The following MMP16 variants were observed in gnomAD, a reference collection of about 807,000 sequenced individuals.
MMP16 encodes the protein matrix metalloproteinase-16.
In MMP16, 12 loss-of-function variants were observed where a neutral mutation model predicts 67.8. The ratio of observed to expected loss-of-function variants is 0.18; its 90% CI spans 0.11 to 0.29. MMP16 has a LOEUF of 0.29. Ranked by LOEUF, MMP16 falls within the 10% of genes least tolerant of loss-of-function variation. The pLI is 1.00. For synonymous variants in MMP16, 249 were observed against 255.9 expected (o/e 0.97, Z 0.26); for missense variants, 475 against 765.7 (o/e 0.62, Z 4.48).
At chr8:88,102,204 CA>C (rs1201174801) in intron 6 of MMP16, among the ~76,000 whole-genome samples, 1 of 151,746 alleles carries the variant, frequency 6.6e-6, no homozygotes, top group Non-Finnish European at 1.5e-5. Flanking sequence ...ACTAAGTCCC[CA>C]AAACTGCCTC....
At chr8:88,216,746 T>C (rs1203240093) in intron 1 of MMP16, among the ~76,000 whole-genome samples, 2 of 152,138 alleles carry the variant, frequency 1.3e-5, no homozygotes, top group Non-Finnish European at 2.9e-5. Context: ...GCTGGATGCA[T>C]CTATCAGATG....
At chr8:88,205,578 T>C (rs1563561786) in intron 1 of MMP16, among the ~76,000 whole-genome samples, 1 of 152,206 alleles carries the variant, frequency 6.6e-6, no homozygotes, top group Admixed American at 6.5e-5. Flanking sequence ...ATATTCTTAT[T>C]TCTATGCTAG....
intron 4 of MMP16, among the ~76,000 whole-genome samples, chr8:88,165,743 A>T (rs1808701452): frequency 6.6e-6 from 1 of 152,102 alleles, no homozygotes; most frequent in East Asian, 1.9e-4. Context: ...ATGCATGCAT[A>T]AAAAGCACTT....
intron 4 of MMP16, among the ~76,000 whole-genome samples, chr8:88,140,890 A>T (rs1808200943): frequency 6.6e-6 from 1 of 152,212 alleles, no homozygotes; most frequent in South Asian, 2.1e-4. Flanking sequence ...AATAGGGAAA[A>T]TTTAAAACTC....
chr8:88,144,629 A>T, intron 4 of MMP16, among the ~76,000 whole-genome samples: 1 of 152,078 alleles, frequency 6.6e-6, no homozygotes, highest in Middle Eastern at 3.4e-3. Flanking sequence ...CATTTTATAT[A>T]TGTAAAAATA....
At chr8:88,213,002 G>C (rs1018397377) in intron 1 of MMP16, among the ~76,000 whole-genome samples, 2 of 152,066 alleles carry the variant, frequency 1.3e-5, no homozygotes, top group Non-Finnish European at 2.9e-5. Context: ...AATTTTAAAG[G>C]ATTTAGTAAA....
Position 88,108,440 on chromosome 8 carries a change from T to C in MMP16, c.1083+8067A>G, listed in dbSNP as rs147864900. Among the ~76,000 whole-genome samples the C allele has an allele frequency of 6.7e-4, 102 of 151,392 alleles. No homozygotes were observed. In the East Asian group the frequency reaches 0.017, roughly 25 times the overall value. ...CTAGGAGGGTAACATAGCCCAGCCA[T>C]AGTAAGGACACTAAGCATTTGTCTA... On this transcript the variant is annotated intron_variant, in intron 6 of 9. Transcript: ENST00000286614.
chr8:88,106,926 G>T (rs1293706975), intron 6 of MMP16, among the ~76,000 whole-genome samples: 1 of 150,900 alleles, frequency 6.6e-6, no homozygotes, highest in Non-Finnish European at 1.5e-5. Flanking sequence ...ATCTATCAAG[G>T]TATTATGAAT....
intron 1 of MMP16, among the ~76,000 whole-genome samples, chr8:88,202,520 G>GAAAT (rs1285863094): frequency 3.9e-5 from 6 of 152,114 alleles, no homozygotes; most frequent in Non-Finnish European, 2.9e-5. Flanking sequence ...TTATGTGCTA[G>GAAAT]TCATCAGGCT....
chr8:88,150,683 G>C (rs1242461451), intron 4 of MMP16, among the ~76,000 whole-genome samples: 2 of 122,676 alleles, frequency 1.6e-5, no homozygotes, highest in African/African-American at 3.2e-5. Flanking sequence ...GTCACCACCA[G>C]GCCTGCCCTA....
At chr8:88,209,752 T>C (rs1330742440) in intron 1 of MMP16, among the ~76,000 whole-genome samples, 1 of 152,200 alleles carries the variant, frequency 6.6e-6, no homozygotes, top group Non-Finnish European at 1.5e-5. Flanking sequence ...TTTAGAATAC[T>C]AATATTTTCA....
chr8:88,146,087 T>C (rs1004519229), intron 4 of MMP16, among the ~76,000 whole-genome samples: 1 of 152,000 alleles, frequency 6.6e-6, no homozygotes, highest in African/African-American at 2.4e-5. Context: ...TTCTTCCCAT[T>C]TCTCTTTGTC....
chr8:88,255,285 A>G (rs1358648243), intron 1 of MMP16, among the ~76,000 whole-genome samples: 1 of 152,136 alleles, frequency 6.6e-6, no homozygotes. Flanking sequence ...ACCATGTAAT[A>G]CACCAGATCC....
intron 4 of MMP16, among the ~76,000 whole-genome samples, chr8:88,138,762 C>CA (rs1325187285): frequency 2.6e-5 from 4 of 152,078 alleles, no homozygotes; most frequent in African/African-American, 9.7e-5. Context: ...AGGATCTTCA[C>CA]ATCTCATGTC....
At position 88,300,825 on chromosome 8, in the gene MMP16, CT is replaced by C. The variant is rs28986480; in HGVS notation, c.132+26249del. Reference sequence around the variant, plus strand: ...AAGCCTCCAAGATTGAGGAAAGGCCCTTTTTTTTTAAGAGCCTGAAGTAAGA... The same window carrying C: ...AAGCCTCCAAGATTGAGGAAAGGCCCTTTTTTTTAAGAGCCTGAAGTAAGA... On this transcript the variant is annotated intron_variant, in intron 1 of 9. Transcript: ENST00000286614. Among the ~76,000 whole-genome samples, 38 of 150,884 alleles carry C rather than the reference CT, an allele frequency of 2.5e-4. 1 individual carries two copies. Among genetic ancestry groups the C allele is most frequent in the African/African-American group, 8.5e-4 (35 of 41,120 alleles).
At chr8:88,298,808 C>A (rs1811053789) in intron 1 of MMP16, among the ~76,000 whole-genome samples, 1 of 152,126 alleles carries the variant, frequency 6.6e-6, no homozygotes, top group East Asian at 1.9e-4. Flanking sequence ...CTTTTTAAGT[C>A]ATCTCTTACT....
chr8:88,239,531 T>C (rs1024069987), intron 1 of MMP16, among the ~76,000 whole-genome samples: 1 of 168 alleles, frequency 6.0e-3, no homozygotes, highest in African/African-American at 0.025. Context: ...GTTATAAAAT[T>C]TTTTTTTTTT....
rs368706527 is a variant in MMP16 at position 88,073,191 on chromosome 8, C to T, written c.1222+1414G>A. On this transcript the variant is annotated intron_variant, in intron 7 of 9. Coordinates refer to ENST00000286614, the MANE Select transcript of MMP16 (RefSeq NM_005941.5). ...GGTGTAGGAGAGGGGAATTTCCCTC[C>T]AATATCATGTCACTAAAATTCACAG... Among the ~76,000 whole-genome samples, 14 of 152,242 alleles carry T rather than the reference C, an allele frequency of 9.2e-5. No homozygotes were observed. In the South Asian group the frequency reaches 2.9e-3, roughly 32 times the overall value.
chr8:88,050,494 C>T (rs1315145277), intron 8 of MMP16, among the ~76,000 whole-genome samples: 1 of 152,122 alleles, frequency 6.6e-6, no homozygotes, highest in Non-Finnish European at 1.5e-5. Context: ...CATTTTGTAG[C>T]TATAAAGTAA....
Sources: gnomAD v4.1 joint callset for allele counts (sites outside exome capture counted in the v4.1 genomes callset) on GRCh38, gnomAD v4.1.1 for gene constraint, MANE v1.5 for transcripts, NCBI Gene and HGNC (gene_info 2026-07-23, HGNC 2026-07-21) for gene names.